Variants in SPATA7 observed in about 807,000 individuals in gnomAD.
The protein encoded by SPATA7 is spermatogenesis-associated protein 7.
Under a neutral mutation model 51.8 loss-of-function variants are expected in SPATA7, and 43 were observed. The observed-to-expected ratio is 0.83, with a 90% CI of 0.65 to 1.07. The LOEUF (loss-of-function observed/expected upper bound fraction) is 1.07, where lower values mean the gene tolerates loss of function less well. Among genes scored for constraint, SPATA7 ranks in the 50% least tolerant of loss-of-function variants. The pLI is 0.00. For missense variants in SPATA7, 683 were observed against 701.3 expected (o/e 0.97, Z 0.30); for synonymous variants, 230 against 252.8 (o/e 0.91, Z 0.86).
chr14:88,453,180 A>G (rs953479805), intron 3 of SPATA7, among the ~76,000 whole-genome samples: 3 of 152,218 alleles, frequency 2.0e-5, no homozygotes, highest in African/African-American at 4.8e-5. Flanking sequence ...CCAGCTTGAC[A>G]ATGAATGCAT....
intron 5 of SPATA7, among the ~76,000 whole-genome samples, chr14:88,417,995 G>A (rs1388245858): frequency 6.6e-6 from 1 of 152,092 alleles, no homozygotes; most frequent in East Asian, 1.9e-4. Context: ...AGTCATTATA[G>A]AATGATTTCA....
chr14:88,417,128 C>T (rs1252336982), intron 5 of SPATA7, among the ~76,000 whole-genome samples: 2 of 151,928 alleles, frequency 1.3e-5, no homozygotes, highest in Non-Finnish European at 2.9e-5. Flanking sequence ...GTTTGCAGAC[C>T]CCAGTTATAG....
At chr14:88,387,648 A>G (rs962493460) in intron 1 of SPATA7, among the ~76,000 whole-genome samples, 1 of 152,212 alleles carries the variant, frequency 6.6e-6, no homozygotes, top group Admixed American at 6.5e-5. Flanking sequence ...AGCCTTCTAA[A>G]TGGTGGTATA....
At chr14:88,395,284 C>T (rs112618499) in intron 3 of SPATA7, among the ~76,000 whole-genome samples, 5,354 of 151,812 alleles carry the variant, frequency 0.035, 307 homozygotes, top group African/African-American at 0.12. Context: ...TGACTAATGT[C>T]TTTTAAATTT....
intron 4 of SPATA7, among the ~76,000 whole-genome samples, chr14:88,404,642 G>A (rs111446295): frequency 0.035 from 5,357 of 152,160 alleles, 303 homozygotes; most frequent in African/African-American, 0.12. Flanking sequence ...ACTTGAACCC[G>A]GGAGGGGGAG....
chr14:88,426,375 T>C lies in SPATA7; in HGVS notation c.516T>C (p.Pro172=), dbSNP rs143546398. The change falls in exon 6 of 12, where the codon CCT becomes CCC. Residue 172 remains proline, a synonymous_variant. Coordinates refer to ENST00000393545, the MANE Select transcript of SPATA7 (RefSeq NM_018418.5). The stretch of plus-strand genomic sequence containing the variant: ...CCAGTAAAGTCATCACAAATGGTCC[T>C]GAGAAGAACTCCAGTTCCTCCCCGT... ...HKSSKVITNG[P]EKNSSSSPSS... 1.9e-6 allele frequency: 3 copies of C among 1,614,090 alleles called. No individual in the cohort carries two copies. In the African/African-American group the frequency reaches 4.0e-5, roughly 22 times the overall value.
chr14:88,405,542 C>T (rs945524436), intron 4 of SPATA7, among the ~76,000 whole-genome samples: 1 of 152,046 alleles, frequency 6.6e-6, no homozygotes, highest in African/African-American at 2.4e-5. Flanking sequence ...AAATGTGTGT[C>T]CATAGTATTT....
intron 4 of SPATA7, 33 bp from the exon 5 acceptor site, chr14:88,416,678 T>A (rs761053219): frequency 6.2e-7 from 1 of 1,610,404 alleles, no homozygotes; most frequent in East Asian, 2.2e-5. Flanking sequence ...TCTATTTTGT[T>A]CCATATTTTG....
chr14:88,416,683 A>G (rs2076486718), intron 4 of SPATA7, 28 bp from the exon 5 acceptor site: 1 of 1,611,412 alleles, frequency 6.2e-7, no homozygotes, highest in Non-Finnish European at 8.5e-7. Flanking sequence ...TTTGTTCCAT[A>G]TTTTGAAAGA....
rs550310224 is a variant in SPATA7, at chr14:88,388,059, A to G, written c.19+2222A>G. ...CCACCAAAAAATACAAAAATTAGCC[A>G]GGCATGGTGGCGTGCGCCTGTAGTC... On this transcript the variant is annotated intron_variant, in intron 1 of 11. Transcript: ENST00000393545. Among the ~76,000 whole-genome samples the G allele has an allele frequency of 2.5e-3, 384 of 152,130 alleles. 1 individual carries two copies. Among genetic ancestry groups the G allele is most frequent in the Non-Finnish European group, 4.4e-3 (296 of 67,982 alleles).
rs376372985 is a variant in SPATA7 at position 88,403,771 on chromosome 14, T to C, written c.238+7568T>C. On this transcript the variant is annotated intron_variant, in intron 4 of 11. Coordinates refer to ENST00000393545, the MANE Select transcript of SPATA7 (RefSeq NM_018418.5). ...GAAGGAGGAAATGGGGAGATGTTGGTCAAAGAGTACAAAGTTTTAGTTAAT... is the reference window on the plus strand; with the variant it reads ...GAAGGAGGAAATGGGGAGATGTTGGCCAAAGAGTACAAAGTTTTAGTTAAT... 2.1e-3 allele frequency among the ~76,000 whole-genome samples: 325 copies of C among 152,228 alleles called. 4 individuals carry two copies. The highest frequency in any genetic ancestry group is 7.3e-3 in the African/African-American group (303 of 41,544).
At chr14:88,465,952 A>G (rs2077356159) in intron 4 of SPATA7, 1 of 150,904 alleles carries the variant, frequency 6.6e-6, no homozygotes, top group African/African-American at 2.5e-5. Context: ...CAGGAACACA[A>G]ATAGACCACA....
intron 6 of SPATA7, among the ~76,000 whole-genome samples, chr14:88,427,258 T>A (rs2076819098): frequency 1.3e-5 from 2 of 152,232 alleles, no homozygotes; most frequent in South Asian, 4.1e-4. Context: ...AAGATGAATG[T>A]TCAATAAAAG....
Position 88,426,377 on chromosome 14 carries a change from A to G in SPATA7, c.518A>G (p.Glu173Gly). Reference sequence around the variant, plus strand: ...AGTAAAGTCATCACAAATGGTCCTGAGAAGAACTCCAGTTCCTCCCCGTCC... The same window carrying G: ...AGTAAAGTCATCACAAATGGTCCTGGGAAGAACTCCAGTTCCTCCCCGTCC... ...KSSKVITNGPEKNSSSSPSSV... is the reference protein window; with the variant it reads ...KSSKVITNGPGKNSSSSPSSV... Residue 173 changes from glutamate (E) to glycine (G), a missense_variant, in exon 6 of 12, where the codon GAG becomes GGG. By Grantham distance (98) the Glu-to-Gly change is moderately conservative. Coordinates refer to ENST00000393545, the MANE Select transcript of SPATA7 (RefSeq NM_018418.5). The G allele has an allele frequency of 6.2e-7, 1 of 1,614,184 alleles. No individual in the cohort carries two copies. The highest frequency in any genetic ancestry group is 8.5e-7 in the Non-Finnish European group (1 of 1,180,010).
At chr14:88,404,876 G>C (rs896007235) in intron 4 of SPATA7, among the ~76,000 whole-genome samples, 2 of 152,108 alleles carry the variant, frequency 1.3e-5, no homozygotes, top group African/African-American at 4.8e-5. Context: ...TTGTTCTAAG[G>C]GCTGGGACTA....
At chr14:88,446,921 G>A (rs2077217652) in intron 3 of SPATA7, among the ~76,000 whole-genome samples, 1 of 152,122 alleles carries the variant, frequency 6.6e-6, no homozygotes, top group Non-Finnish European at 1.5e-5. Context: ...GTCAATTTTG[G>A]AATAGGTGTG....
At chr14:88,421,934 C>T (rs982262812) in intron 5 of SPATA7, among the ~76,000 whole-genome samples, 7 of 142,984 alleles carry the variant, frequency 4.9e-5, no homozygotes, top group Admixed American at 1.4e-4. Context: ...GGCGACAGAG[C>T]GAGACTCCAT....
At chr14:88,448,341 C>T (rs1595312128) in intron 3 of SPATA7, among the ~76,000 whole-genome samples, 1 of 152,166 alleles carries the variant, frequency 6.6e-6, no homozygotes. Flanking sequence ...TCCATCAGCT[C>T]CTTTAAGTAC....
chr14:88,441,396 T>C (rs2077177988), downstream of SPATA7, among the ~76,000 whole-genome samples: 1 of 152,234 alleles, frequency 6.6e-6, no homozygotes, highest in Admixed American at 6.5e-5. Flanking sequence ...ATGGTAGATC[T>C]ACCTTTAGTT....
Sources: allele counts gnomAD v4.1 joint callset (sites outside exome capture counted in the v4.1 genomes callset), GRCh38; gene constraint gnomAD v4.1.1; transcripts MANE v1.5; gene names NCBI Gene and HGNC (gene_info 2026-07-23, HGNC 2026-07-21).